The following RALGPS2 variants were observed in gnomAD, a reference collection of about 807,000 sequenced individuals.
The protein encoded by RALGPS2 is ras-specific guanine nucleotide-releasing factor RalGPS2.
RALGPS2 carries 43 observed loss-of-function variants against 86.8 expected under a neutral mutation model. The ratio of observed to expected loss-of-function variants is 0.50; its 90% CI spans 0.39 to 0.64. The LOEUF is 0.64. RALGPS2 is among the 30% of genes least tolerant of loss of function. The pLI is 0.00. For missense variants in RALGPS2, 536 were observed against 694.6 expected (o/e 0.77, Z 2.57); for synonymous variants, 243 against 231.3 (o/e 1.05, Z -0.46).
intron 8 of RALGPS2, among the ~76,000 whole-genome samples, chr1:178,859,727 C>T (rs1475768889): frequency 8.8e-6 from 1 of 113,566 alleles, no homozygotes; most frequent in Non-Finnish European, 1.7e-5. Context: ...GAGACGGAGT[C>T]TCGCTCTGTC....
At chr1:178,853,829 A>G (rs1247604076) in intron 8 of RALGPS2, 2 of 1,452,526 alleles carry the variant, frequency 1.4e-6, no homozygotes, top group South Asian at 1.5e-5. Context: ...ACTTAATATG[A>G]GAAGAGACAT....
intron 1 of RALGPS2, among the ~76,000 whole-genome samples, chr1:178,755,776 A>G (rs546366678): frequency 6.6e-6 from 1 of 152,318 alleles, no homozygotes; most frequent in South Asian, 2.1e-4. Context: ...ACTGCTTTCC[A>G]TAGTGGCTGT....
intron 7 of RALGPS2, among the ~76,000 whole-genome samples, chr1:178,830,978 A>G (rs1655988191): frequency 6.6e-6 from 1 of 152,240 alleles, no homozygotes; most frequent in Non-Finnish European, 1.5e-5. Flanking sequence ...AGTGAAAATG[A>G]ATGAACTATA....
intron 2 of RALGPS2, among the ~76,000 whole-genome samples, chr1:178,782,010 C>T (rs534701412): frequency 1.3e-5 from 2 of 152,242 alleles, no homozygotes; most frequent in African/African-American, 4.8e-5. Context: ...TTCATCACTC[C>T]TGTCCTCACA....
intron 7 of RALGPS2, among the ~76,000 whole-genome samples, chr1:178,823,570 C>T (rs962040447): frequency 6.6e-6 from 1 of 152,098 alleles, no homozygotes; most frequent in Non-Finnish European, 1.5e-5. Flanking sequence ...ATTTGGATAT[C>T]TGGGAGAAGA....
In RALGPS2 at chr1:178,917,765, T is replaced by A. The variant is rs183376926; in HGVS notation, c.*1406T>A. On this transcript the variant is annotated 3_prime_UTR_variant, in exon 20 of 20. Coordinates refer to ENST00000367635, the MANE Select transcript of RALGPS2 (RefSeq NM_152663.5). ...GATGCCTTAGAATTTTAATGAAAAATGACACTCAAACAAAGGCTATATGTC... is the reference window on the plus strand; with the variant it reads ...GATGCCTTAGAATTTTAATGAAAAAAGACACTCAAACAAAGGCTATATGTC... The A allele has an allele frequency of 6.6e-6, 1 of 152,158 alleles. No homozygotes were observed. The highest frequency in any genetic ancestry group is 1.9e-4 in the East Asian group (1 of 5,176). 9.4% of individuals were successfully genotyped at this position (152,158 alleles called of 1,614,324 possible).
At chr1:178,760,443 T>C (rs1463198894) in intron 1 of RALGPS2, among the ~76,000 whole-genome samples, 2 of 152,216 alleles carry the variant, frequency 1.3e-5, no homozygotes, top group African/African-American at 2.4e-5. Context: ...AATGCCCTTG[T>C]CTTTTTTTAC....
At position 178,773,668 on chromosome 1, in the gene RALGPS2, C is replaced by G. The variant is rs554907506; in HGVS notation, c.-83-3014C>G. On this transcript the variant is annotated intron_variant, in intron 1 of 19. Transcript: ENST00000367635. ...AAAATTAGCCGGGCGTGGTGGCGGG[C>G]GCCTGTAGTCCCAGCTACTCAGGAG... Among the ~76,000 whole-genome samples the G allele has an allele frequency of 2.4e-3, 367 of 151,806 alleles. 1 individual carries two copies. Among genetic ancestry groups the G allele is most frequent in the African/African-American group, 8.4e-3 (349 of 41,452 alleles).
chr1:178,728,564 A>C (rs1650159974), intron 1 of RALGPS2, among the ~76,000 whole-genome samples: 1 of 152,148 alleles, frequency 6.6e-6, no homozygotes, highest in African/African-American at 2.4e-5. Context: ...TGTCACTTTA[A>C]TATGAATACT....
Position 178,811,404 on chromosome 1 carries a change from G to A in RALGPS2, c.387G>A (p.Lys129=). ...EVLSHYIKTA[K]KLYELNNLHA... ...TGAGCCACTATATTAAAACTGCTAA[G>A]GTAAGAAAAACTTGTGTTTTTATTT... Residue 129 remains lysine (K), a splice_region_variant and synonymous_variant, in exon 6 of 20, where the codon AAG becomes AAA. Transcript: ENST00000367635. The A allele has an allele frequency of 6.6e-7, 1 of 1,525,006 alleles. No individual in the cohort carries two copies. The highest frequency in any genetic ancestry group is 8.7e-7 in the Non-Finnish European group (1 of 1,143,276). 94.5% of individuals were successfully genotyped at this position (1,525,006 alleles called of 1,614,324 possible).
intron 4 of RALGPS2, among the ~76,000 whole-genome samples, chr1:178,804,636 C>T (rs1382499811): frequency 7.6e-5 from 6 of 79,424 alleles, no homozygotes; most frequent in African/African-American, 2.9e-4. Flanking sequence ...CATAGTATTC[C>T]ATGGTGTATA....
chr1:178,889,661 A>T lies in RALGPS2; in HGVS notation c.1212A>T (p.Glu404Asp). 1.9e-6 allele frequency: 3 copies of T among 1,608,924 alleles called. No homozygotes were observed. The highest frequency in any genetic ancestry group is 2.5e-6 in the Non-Finnish European group (3 of 1,176,848). Residue 404 changes from glutamate (E) to aspartate (D), a missense_variant, in exon 14 of 20, where the codon GAA becomes GAT. This residue lies in a region of RALGPS2 where 309 missense variants were observed against 363.0 expected (regional missense o/e 0.85). Coordinates refer to ENST00000367635, the MANE Select transcript of RALGPS2 (RefSeq NM_152663.5). Reference protein sequence around the residue: ...GISIGSSDGSELSEETSWPAF... With the variant: ...GISIGSSDGSDLSEETSWPAF... ...TTTTAGGTAGCAGCGATGGTTCTGAACTAAGTGAAGAGACCTCATGGCCTG... is the reference window on the plus strand; with the variant it reads ...TTTTAGGTAGCAGCGATGGTTCTGATCTAAGTGAAGAGACCTCATGGCCTG...
chr1:178,777,255 AACAG>A (rs1169153017), intron 2 of RALGPS2, among the ~76,000 whole-genome samples: 13 of 151,884 alleles, frequency 8.6e-5, no homozygotes, highest in South Asian at 4.2e-4. Context: ...ATAACAGACA[AACAG>A]ACAGCCAAAT....
Position 178,893,942 on chromosome 1 carries a change from C to G in RALGPS2, c.1349C>G (p.Ala450Gly), listed in dbSNP as rs1034956066. The G allele has an allele frequency of 1.2e-6, 2 of 1,606,536 alleles. No individual in the cohort carries two copies. The highest frequency in any genetic ancestry group is 2.7e-5 in the African/African-American group (2 of 74,618). The part of the protein sequence containing the change: ...ASSSAESEDL[A>G]VHLYPGAVTI... Reference sequence around the variant, plus strand: ...AGTTCTGCAGAATCAGAAGATTTGGCAGTACATTTATATCCAGGAGCTGTT... The same window carrying G: ...AGTTCTGCAGAATCAGAAGATTTGGGAGTACATTTATATCCAGGAGCTGTT... Residue 450 changes from alanine to glycine, a missense_variant, in exon 16 of 20, where the codon GCA (alanine) becomes GGA (glycine). Transcript: ENST00000367635.
At chr1:178,907,184 T>C (rs2102413331) in intron 19 of RALGPS2, among the ~76,000 whole-genome samples, 1 of 152,238 alleles carries the variant, frequency 6.6e-6, no homozygotes, top group South Asian at 2.1e-4. Flanking sequence ...CCTGAGGAGA[T>C]GGTATTGACA....
intron 1 of RALGPS2, among the ~76,000 whole-genome samples, chr1:178,756,288 T>C (rs1452926760): frequency 1.3e-5 from 2 of 152,202 alleles, no homozygotes; most frequent in African/African-American, 2.4e-5. Context: ...TTCTTATAAT[T>C]TTAGGTTTTA....
At chr1:178,765,190 T>C (rs1283574807) in intron 1 of RALGPS2, among the ~76,000 whole-genome samples, 1 of 151,970 alleles carries the variant, frequency 6.6e-6, no homozygotes, top group Non-Finnish European at 1.5e-5. Flanking sequence ...AGTCTTGCTC[T>C]GTCGCCCAGG....
chr1:178,769,940 C>G (rs1446048366), intron 1 of RALGPS2, among the ~76,000 whole-genome samples: 2 of 152,094 alleles, frequency 1.3e-5, no homozygotes, highest in Non-Finnish European at 2.9e-5. Flanking sequence ...TTCTCCTTCC[C>G]AGGCTCTGGG....
In RALGPS2 at chr1:178,906,842, C is replaced by T. The variant is rs867254115; in HGVS notation, c.1697C>T (p.Ala566Val). ...ATGTTATGGTTTAAGCATTTGAGTG[C>T]AGCCTGCCAAAGTAACAAACAACAG... The part of the protein sequence containing the change: ...NAMLWFKHLS[A>V]ACQSNKQQVP... Residue 566 changes from alanine to valine, a missense_variant, in exon 19 of 20, where the codon GCA becomes GTA. Transcript: ENST00000367635. 1 of 1,612,966 alleles carries T rather than the reference C, an allele frequency of 6.2e-7. No homozygotes were observed. Among genetic ancestry groups the T allele is most frequent in the Non-Finnish European group, 8.5e-7 (1 of 1,179,556 alleles).
Sources: gnomAD v4.1 joint callset for allele counts (sites outside exome capture counted in the v4.1 genomes callset) on GRCh38, gnomAD v4.1.1 for gene constraint, gnomAD v4.1.1 regional missense constraint, MANE v1.5 for transcripts, NCBI Gene and HGNC (gene_info 2026-07-23, HGNC 2026-07-21) for gene names.